Variants in MAP3K13 observed in about 807,000 individuals in gnomAD.
The protein encoded by MAP3K13 is mitogen-activated protein kinase kinase kinase 13, also known as leucine zipper-bearing kinase.
In MAP3K13, 52 loss-of-function variants were observed where a neutral mutation model predicts 104.0. The ratio of observed to expected loss-of-function variants is 0.50; its 90% confidence interval spans 0.40 to 0.63. MAP3K13 has a LOEUF of 0.63. Ranked by LOEUF, MAP3K13 falls within the 20% of genes least tolerant of loss-of-function variation. The probability of loss-of-function intolerance (pLI) is 0.00; values close to 1 mark genes in which losing one functional copy is unlikely to be tolerated. For missense variants in MAP3K13, 914 were observed against 1,218.5 expected, an observed-to-expected ratio of 0.75 and a Z score of 3.72; for synonymous variants, 394 against 442.2, an observed-to-expected ratio of 0.89 and a Z score of 1.37.
intron 2 of MAP3K13, among the ~76,000 whole-genome samples, chr3:185,307,822 A>T (rs1577410118): frequency 6.6e-6 from 1 of 151,972 alleles, no homozygotes; most frequent in South Asian, 2.1e-4. Flanking sequence ...GATTACAGGC[A>T]TGAGCCACCA....
intron 2 of MAP3K13, among the ~76,000 whole-genome samples, chr3:185,336,478 G>A (rs1419187446): frequency 6.6e-6 from 1 of 150,870 alleles, no homozygotes; most frequent in African/African-American, 2.4e-5. Flanking sequence ...GGAGGCGGAG[G>A]CTGCAGTAAG....
intron 2 of MAP3K13, among the ~76,000 whole-genome samples, chr3:185,350,944 A>G (rs925706276): frequency 6.6e-6 from 1 of 152,224 alleles, no homozygotes; most frequent in Non-Finnish European, 1.5e-5. Flanking sequence ...ACTCTTCACT[A>G]TAGCACAAAC....
At chr3:185,373,718 C>CT (rs1397873460) in intron 1 of MAP3K13, among the ~76,000 whole-genome samples, 2 of 151,818 alleles carry the variant, frequency 1.3e-5, no homozygotes, top group Non-Finnish European at 2.9e-5. Flanking sequence ...GAGAACAAAA[C>CT]TTTTTTTTCT....
intron 2 of MAP3K13, among the ~76,000 whole-genome samples, chr3:185,354,567 C>A (rs1431201715): frequency 7.1e-6 from 1 of 141,046 alleles, no homozygotes; most frequent in African/African-American, 2.8e-5. Context: ...AAGTAGAGCT[C>A]ATCAAGAGCC....
In MAP3K13 at chr3:185,451,568, GCACTTAACATTATTATTAACT is replaced by G. The variant is rs531513753; in HGVS notation, c.1278+176_1278+196del. ...ATATGACATCTTAAGAGCTTTTAAAGCACTTAACATTATTATTAACTCATTTGAAAAAACACGTGTTGGCCG... is the reference window on the plus strand; with the variant it reads ...ATATGACATCTTAAGAGCTTTTAAAGCATTTGAAAAAACACGTGTTGGCCG... On this transcript the variant is annotated intron_variant, in intron 7 of 13. Coordinates refer to ENST00000265026, the MANE Select transcript of MAP3K13 (RefSeq NM_004721.5). 1.4e-3 allele frequency: 727 copies of G among 518,500 alleles called. 4 individuals carry two copies. The highest frequency in any genetic ancestry group is 0.012 in the African/African-American group (645 of 52,054). 32.1% of individuals were successfully genotyped at this position (518,500 alleles called of 1,614,324 possible).
At chr3:185,372,898 A>G (rs949148401) in intron 1 of MAP3K13, among the ~76,000 whole-genome samples, 2 of 152,184 alleles carry the variant, frequency 1.3e-5, no homozygotes, top group African/African-American at 4.8e-5. Context: ...AGGAAAAGGA[A>G]GTCACTCCAA....
intron 2 of MAP3K13, among the ~76,000 whole-genome samples, chr3:185,346,902 A>G (rs1722945872): frequency 6.6e-6 from 1 of 151,572 alleles, no homozygotes; most frequent in South Asian, 2.1e-4. Context: ...ATCTACCTTG[A>G]TAATTTTTGA....
At chr3:185,365,595 C>T (rs116419836) in intron 1 of MAP3K13, among the ~76,000 whole-genome samples, 65 of 152,254 alleles carry the variant, frequency 4.3e-4, no homozygotes, top group African/African-American at 1.4e-3. Context: ...CCAATTCTGC[C>T]AGGTGGCAGC....
Position 185,465,732 on chromosome 3 carries a change from T to C in MAP3K13, c.1389-15T>C, listed in dbSNP as rs756514799. Reference sequence around the variant, plus strand: ...AAGTTGGTTGGCTGGGCTGACCCTGTGTTTTCTCTGACAGGCATGCGCTGG... The same window carrying C: ...AAGTTGGTTGGCTGGGCTGACCCTGCGTTTTCTCTGACAGGCATGCGCTGG... On this transcript the variant is annotated splice_polypyrimidine_tract_variant and intron_variant, in intron 8 of 13. Transcript: ENST00000265026. 2 of 1,599,030 alleles carry C rather than the reference T, an allele frequency of 1.3e-6. No homozygotes were observed. Among genetic ancestry groups the C allele is most frequent in the South Asian group, 1.1e-5 (1 of 90,730 alleles).
At chr3:185,408,551 AAC>A (rs932873190) in intron 1 of MAP3K13, among the ~76,000 whole-genome samples, 3 of 146,972 alleles carry the variant, frequency 2.0e-5, no homozygotes, top group African/African-American at 7.6e-5. Flanking sequence ...CAGCCTGGAA[AAC>A]AGAGTGAGAC....
chr3:185,378,849 C>A (rs868527695), intron 1 of MAP3K13, among the ~76,000 whole-genome samples: 7 of 152,226 alleles, frequency 4.6e-5, no homozygotes, highest in Middle Eastern at 3.4e-3. Flanking sequence ...ATGGAGAAAT[C>A]AAAAGTGCCA....
Position 185,428,762 on chromosome 3 carries a change from C to A in MAP3K13, c.181C>A (p.His61Asn). The A allele has an allele frequency of 6.2e-7, 1 of 1,614,196 alleles. No individual in the cohort carries two copies. Among genetic ancestry groups the A allele is most frequent in the Non-Finnish European group, 8.5e-7 (1 of 1,180,038 alleles). The change falls in exon 2 of 14, where the codon CAC becomes AAC. Residue 61 changes from histidine to asparagine, a missense_variant. Around this residue, in one of 3 missense-constraint regions of MAP3K13, gnomAD observed 156 missense variants for 159.8 expected, o/e 0.98. Coordinates refer to ENST00000265026, the MANE Select transcript of MAP3K13 (RefSeq NM_004721.5). ...ACGAACAGAGCTAATCGAGAGCGTGCACAGCCCCGTCACCACAACAGTGTT... is the reference window on the plus strand; with the variant it reads ...ACGAACAGAGCTAATCGAGAGCGTGAACAGCCCCGTCACCACAACAGTGTT... ...MVRTELIESV[H>N]SPVTTTVLTS...
chr3:185,417,889 T>G, intron 1 of MAP3K13: 1 of 1,604,118 alleles, frequency 6.2e-7, no homozygotes, highest in Non-Finnish European at 8.5e-7. Flanking sequence ...TCTTTGGATC[T>G]CTGGGCTTTT....
intron 7 of MAP3K13, among the ~76,000 whole-genome samples, chr3:185,455,160 GAT>G (rs1307184194): frequency 2.1e-5 from 1 of 47,760 alleles, no homozygotes; most frequent in Non-Finnish European, 4.3e-5. Flanking sequence ...AGATATATAT[GAT>G]ATATATGAGA....
chr3:185,364,641 A>G (rs1387910956), intron 1 of MAP3K13, among the ~76,000 whole-genome samples: 1 of 152,194 alleles, frequency 6.6e-6, no homozygotes, highest in Non-Finnish European at 1.5e-5. Flanking sequence ...TTTCAAACTT[A>G]TCATACCTGA....
chr3:185,369,473 G>C (rs1724050906), intron 1 of MAP3K13, among the ~76,000 whole-genome samples: 1 of 152,216 alleles, frequency 6.6e-6, no homozygotes, highest in Non-Finnish European at 1.5e-5. Context: ...AACAGGGCAA[G>C]GGTGGTGCTT....
At chr3:185,460,168 T>C (rs1717015100) in intron 7 of MAP3K13, among the ~76,000 whole-genome samples, 1 of 152,220 alleles carries the variant, frequency 6.6e-6, no homozygotes, top group African/African-American at 2.4e-5. Flanking sequence ...CCGTGGTACA[T>C]TCCATGACCC....
At chr3:185,468,406 A>G (rs967424982) in intron 10 of MAP3K13, among the ~76,000 whole-genome samples, 6 of 152,104 alleles carry the variant, frequency 3.9e-5, no homozygotes, top group African/African-American at 1.2e-4. Context: ...TTTTTACTAC[A>G]TATTTGCCTT....
At position 185,456,068 on chromosome 3, in the gene MAP3K13, C is replaced by T. The variant is rs73885715; in HGVS notation, c.1278+4673C>T. 7.8e-3 allele frequency among the ~76,000 whole-genome samples: 1,175 copies of T among 150,234 alleles called. 14 individuals carry two copies. Among genetic ancestry groups the T allele is most frequent in the African/African-American group, 0.028 (1,128 of 40,896 alleles). ...CCCCTGCTGGAGGCTTGGAGTACTT[C>T]TGTGGTGTCTGATACACAGAGAGAC... On this transcript the variant is annotated intron_variant, in intron 7 of 13. Coordinates refer to ENST00000265026, the MANE Select transcript of MAP3K13 (RefSeq NM_004721.5).
Sources: gnomAD v4.1 joint callset for allele counts (sites outside exome capture counted in the v4.1 genomes callset) on GRCh38, gnomAD v4.1.1 for gene constraint, gnomAD v4.1.1 regional missense constraint, MANE v1.5 for transcripts, NCBI Gene and HGNC (gene_info 2026-07-23, HGNC 2026-07-21) for gene names.